The following TM2D3 variants were observed in gnomAD, a reference collection of about 807,000 sequenced individuals.
TM2D3 encodes the protein TM2 domain containing 3, also known as TM2 domain-containing protein 3.
A neutral mutation model predicts 27.3 loss-of-function variants in TM2D3; 33 were observed. The observed-to-expected ratio is 1.21, with a 90% CI of 0.92 to 1.61. TM2D3 has a LOEUF of 1.61. Ranked by LOEUF, TM2D3 falls within the 40% of genes most tolerant of loss-of-function variation. The pLI is 0.00. For synonymous variants in TM2D3, 138 were observed against 122.2 expected, an observed-to-expected ratio of 1.13 and a Z score of -0.85; for missense variants, 364 against 320.8, an observed-to-expected ratio of 1.13 and a Z score of -1.03.
downstream of TM2D3, among the ~76,000 whole-genome samples, chr15:101,638,117 A>T (rs1212157124): frequency 6.6e-6 from 1 of 152,086 alleles, no homozygotes; most frequent in African/African-American, 2.4e-5. Flanking sequence ...TGGATCCTTT[A>T]TCTGGTTCAG....
chr15:101,633,623 T>C (rs1896493889), exon 5 of TM2D3: 15 of 1,441,436 alleles, frequency 1.0e-5, no homozygotes, highest in East Asian at 2.5e-5. Flanking sequence ...AATTCAGCAC[T>C]TCTCATGCTC....
At chr15:101,646,591 G>A (rs1896816197) in intron 4 of TM2D3, 134 bp downstream of exon 4, 2 of 886,696 alleles carry the variant, frequency 2.3e-6, no homozygotes, top group Non-Finnish European at 3.6e-6. Context: ...TATTGATGAT[G>A]CTTGGCACAT....
chr15:101,646,826 G>C lies in TM2D3; in HGVS notation c.401C>G (p.Thr134Arg). Reference sequence around the variant, plus strand: ...GGTGGAGTTGGTACACTCGTAATCTGTTTCAGGAAGCTGCCAGCAAAATCT... The same window carrying C: ...GGTGGAGTTGGTACACTCGTAATCTCTTTCAGGAAGCTGCCAGCAAAATCT... Reference protein sequence around the residue: ...TCRFCWQLPETDYECTNSTSC... With the variant: ...TCRFCWQLPERDYECTNSTSC... The change falls in exon 4 of 6, where the codon ACA (threonine) becomes AGA (arginine). Residue 134 changes from threonine (T) to arginine (R), a missense_variant. Transcript: ENST00000333202. 6.2e-7 allele frequency: 1 copy of C among 1,614,182 alleles called. No homozygotes were observed. Among genetic ancestry groups the C allele is most frequent in the Non-Finnish European group, 8.5e-7 (1 of 1,180,028 alleles).
intron 1 of TM2D3, 106 bp downstream of exon 1, chr15:101,652,165 C>T (rs1378575041): frequency 7.4e-6 from 8 of 1,087,590 alleles, no homozygotes; most frequent in Non-Finnish European, 9.5e-6. Flanking sequence ...CGGCACTCGG[C>T]CTCCTCCCCG....
At chr15:101,641,272 T>TAAACAAAACA (rs55775443), downstream of TM2D3, among the ~76,000 whole-genome samples, 55,738 of 151,394 alleles carry the variant, frequency 0.37, 10,965 homozygotes, top group Non-Finnish European at 0.45. Context: ...AAGTTCCTCG[T>TAAACAAAACA]AAACAAAACA....
downstream of TM2D3, among the ~76,000 whole-genome samples, chr15:101,637,362 C>T (rs1386589376): frequency 6.6e-6 from 1 of 152,094 alleles, no homozygotes; most frequent in African/African-American, 2.4e-5. Context: ...TGATTCTCTG[C>T]TGTGTCAGGG....
rs746900356 is a variant in TM2D3, at chr15:101,649,963, T to C, written c.327+41A>G. The C allele has an allele frequency of 6.8e-5, 107 of 1,576,570 alleles. 1 individual carries two copies. The South Asian group carries it at 9.0e-4, about 13-fold the overall frequency. On this transcript the variant is annotated intron_variant, in intron 3 of 5. Transcript: ENST00000333202. Reference sequence around the variant, plus strand: ...TGAATTGTTCTTCTAACTTAAAGTTTACAATGAATTTATTTAGAATAAGTA... The same window carrying C: ...TGAATTGTTCTTCTAACTTAAAGTTCACAATGAATTTATTTAGAATAAGTA...
chr15:101,643,459 A>G (rs1193384089), intron 5 of TM2D3, among the ~76,000 whole-genome samples: 5 of 151,768 alleles, frequency 3.3e-5, no homozygotes, highest in Non-Finnish European at 4.4e-5. Context: ...AAAATTAGCC[A>G]GGCGTGGTGG....
Position 101,642,180 on chromosome 15 carries a change from C to G in TM2D3, c.*299G>C, listed in dbSNP as rs540144392. On this transcript the variant is annotated 3_prime_UTR_variant, in exon 6 of 6. Transcript: ENST00000333202. ...TGGAGATACAAGTGATGTAGTTTGACTTGGGCAATACAAAACAAAAGTCAT... is the reference window on the plus strand; with the variant it reads ...TGGAGATACAAGTGATGTAGTTTGAGTTGGGCAATACAAAACAAAAGTCAT... The G allele has an allele frequency of 1.0e-5, 11 of 1,048,088 alleles. No homozygotes were observed. Among genetic ancestry groups the G allele is most frequent in the Non-Finnish European group, 1.3e-5 (11 of 871,202 alleles). The allele number at this position is 1,048,088 out of a possible 1,614,324, so 64.9% of individuals were successfully genotyped here.
At chr15:101,651,491 G>T in intron 2 of TM2D3, 1 of 490,640 alleles carries the variant, frequency 2.0e-6, no homozygotes, top group Non-Finnish European at 3.6e-6. Flanking sequence ...GAAAAAGAGA[G>T]GAGGCAGAAA....
chr15:101,640,172 C>A (rs1327823354), downstream of TM2D3, among the ~76,000 whole-genome samples: 2 of 152,164 alleles, frequency 1.3e-5, no homozygotes, highest in Non-Finnish European at 2.9e-5. Flanking sequence ...GTATTTGTGT[C>A]TTTTCCACCC....
intron 4 of TM2D3, chr15:101,635,801 TAC>T (rs940811605): frequency 2.6e-5 from 4 of 152,200 alleles, no homozygotes; most frequent in Non-Finnish European, 5.9e-5. Context: ...TGTTCTATAG[TAC>T]AGAGTTTTCG....
intron 3 of TM2D3, among the ~76,000 whole-genome samples, chr15:101,649,349 A>G (rs955190735): frequency 3.1e-4 from 47 of 152,050 alleles, no homozygotes; most frequent in African/African-American, 9.9e-4. Flanking sequence ...TTAGGAGTCA[A>G]ATGTATCAAT....
intron 3 of TM2D3, among the ~76,000 whole-genome samples, chr15:101,648,952 G>A (rs922348971): frequency 8.5e-5 from 13 of 152,086 alleles, no homozygotes; most frequent in Non-Finnish European, 1.5e-4. Context: ...ATGGCAAATC[G>A]CCTACAAGAG....
downstream of TM2D3, among the ~76,000 whole-genome samples, chr15:101,641,302 TTC>T (rs1491069211): frequency 9.4e-5 from 12 of 127,196 alleles, no homozygotes; most frequent in South Asian, 2.4e-4. Flanking sequence ...CAGTTTTTTT[TTC>T]TGTTTCTGGA....
At chr15:101,645,434 T>G (rs1414767105) in intron 4 of TM2D3, 4 of 394,656 alleles carry the variant, frequency 1.0e-5, no homozygotes, top group Non-Finnish European at 1.8e-5. Flanking sequence ...GACAGTGTAG[T>G]CTTGAGGCAT....
chr15:101,649,011 A>G (rs1166044520), intron 3 of TM2D3, among the ~76,000 whole-genome samples: 5 of 152,222 alleles, frequency 3.3e-5, no homozygotes, highest in African/African-American at 1.2e-4. Flanking sequence ...TCTGACCCTT[A>G]TACTCTCACA....
chr15:101,635,181 T>C (rs1243457272), intron 4 of TM2D3: 1 of 152,118 alleles, frequency 6.6e-6, no homozygotes, highest in Non-Finnish European at 1.5e-5. Context: ...TATAAATCTT[T>C]TGACCAAAAG....
rs962463870 is a variant in TM2D3 at position 101,649,807 on chromosome 15, T to C, written c.327+197A>G. ...TCAACTGGCTTGACAGTTATCATTA[T>C]AACTAAAACAGTAGTGAGCTGATAT... On this transcript the variant is annotated intron_variant, in intron 3 of 5. Transcript: ENST00000333202. 3.3e-5 allele frequency among the ~76,000 whole-genome samples: 5 copies of C among 152,384 alleles called. No homozygotes were observed. The South Asian group carries it at 8.3e-4, about 25-fold the overall frequency.
Sources: allele counts gnomAD v4.1 joint callset (sites outside exome capture counted in the v4.1 genomes callset), GRCh38; gene constraint gnomAD v4.1.1; transcripts MANE v1.5; gene names NCBI Gene and HGNC (gene_info 2026-07-23, HGNC 2026-07-21).